The following IQCJ variants were observed in gnomAD, a reference collection of about 807,000 sequenced individuals.
The protein encoded by IQCJ is IQ motif containing J.
A neutral mutation model predicts 11.0 loss-of-function variants in IQCJ; 9 were observed. The ratio of observed to expected loss-of-function variants is 0.82; its 90% confidence interval spans 0.49 to 1.43. IQCJ has a LOEUF of 1.43. Ranked by LOEUF, IQCJ falls within the 40% of genes most tolerant of loss-of-function variation. The probability of loss-of-function intolerance (pLI) is 0.00; values close to 1 mark genes in which losing one functional copy is unlikely to be tolerated. For synonymous variants in IQCJ, 55 were observed against 51.3 expected, an observed-to-expected ratio of 1.07 and a Z score of -0.31; for missense variants, 146 against 133.2, an observed-to-expected ratio of 1.10 and a Z score of -0.47.
intron 1 of IQCJ, among the ~76,000 whole-genome samples, chr3:159,138,926 C>T (rs1017423644): frequency 6.6e-6 from 1 of 152,128 alleles, no homozygotes; most frequent in African/African-American, 2.4e-5. Flanking sequence ...ATATGAAAAA[C>T]AGTTATTTGC....
At chr3:159,179,899 T>G (rs369031777) in intron 1 of IQCJ, among the ~76,000 whole-genome samples, 2 of 152,270 alleles carry the variant, frequency 1.3e-5, no homozygotes, top group African/African-American at 4.8e-5. Flanking sequence ...ACAGACATTT[T>G]TCTCAAGTAG....
chr3:159,124,688 G>A (rs1719570003), intron 1 of IQCJ, among the ~76,000 whole-genome samples: 1 of 152,050 alleles, frequency 6.6e-6, no homozygotes, highest in Non-Finnish European at 1.5e-5. Flanking sequence ...GTTCTATAAG[G>A]TCAGCTGCTG....
chr3:159,202,853 T>C (rs1358212057), intron 1 of IQCJ, among the ~76,000 whole-genome samples: 1 of 152,090 alleles, frequency 6.6e-6, no homozygotes, highest in East Asian at 1.9e-4. Flanking sequence ...TTTGGGTCTG[T>C]AGAACATAAT....
At chr3:159,143,516 G>A (rs570887268) in intron 1 of IQCJ, among the ~76,000 whole-genome samples, 20 of 152,178 alleles carry the variant, frequency 1.3e-4, no homozygotes, top group South Asian at 4.1e-4. Flanking sequence ...CTCCATGGAC[G>A]CTGTATTATT....
Position 159,089,896 on chromosome 3 carries a change from A to G in IQCJ, c.9+20455A>G, listed in dbSNP as rs190829857. Among the ~76,000 whole-genome samples, 422 of 151,786 alleles carry G rather than the reference A, an allele frequency of 2.8e-3. 4 individuals carry two copies. The highest frequency in any genetic ancestry group is 4.6e-3 in the Non-Finnish European group (313 of 68,006). ...TCCTGTAGCTCAGAGTAATTTGATC[A>G]TCTGAAGCCTTCTTCTCTCAGCTCG... On this transcript the variant is annotated intron_variant, in intron 1 of 3. Transcript: ENST00000397832.
intron 1 of IQCJ, among the ~76,000 whole-genome samples, chr3:159,188,595 A>C (rs1257647025): frequency 1.3e-5 from 2 of 152,168 alleles, no homozygotes; most frequent in Non-Finnish European, 2.9e-5. Context: ...ACAATTACTG[A>C]ACCAATATTA....
intron 1 of IQCJ, among the ~76,000 whole-genome samples, chr3:159,205,571 C>T (rs61347568): frequency 0.02 from 3,081 of 152,294 alleles, 118 homozygotes; most frequent in African/African-American, 0.071. Flanking sequence ...GAGTGTCCAG[C>T]CCCAACCCCA....
chr3:159,238,898 G>C (rs939342454), intron 1 of IQCJ, among the ~76,000 whole-genome samples: 1 of 152,132 alleles, frequency 6.6e-6, no homozygotes, highest in Admixed American at 6.5e-5. Context: ...TTGTCACACA[G>C]ACCTTGGCTG....
chr3:159,219,865 C>A (rs1725438474), intron 1 of IQCJ, among the ~76,000 whole-genome samples: 2 of 152,120 alleles, frequency 1.3e-5, no homozygotes, highest in East Asian at 3.9e-4. Context: ...CAGTGTCAGT[C>A]CCACCGGACA....
intron 2 of IQCJ, among the ~76,000 whole-genome samples, chr3:159,247,182 C>T (rs1004395970): frequency 2.6e-5 from 4 of 152,156 alleles, no homozygotes; most frequent in Admixed American, 6.5e-5. Flanking sequence ...CTGCGACCTC[C>T]GCCTCCCGGG....
At chr3:159,136,891 A>G (rs1720320118) in intron 1 of IQCJ, among the ~76,000 whole-genome samples, 1 of 152,178 alleles carries the variant, frequency 6.6e-6, no homozygotes, top group African/African-American at 2.4e-5. Context: ...TTGAGGTCTT[A>G]AGTATGGTGT....
At chr3:159,086,176 C>A (rs1716751681) in intron 1 of IQCJ, among the ~76,000 whole-genome samples, 1 of 152,132 alleles carries the variant, frequency 6.6e-6, no homozygotes, top group East Asian at 1.9e-4. Context: ...AATAGGGAAT[C>A]CTTTCCCCAT....
At chr3:159,249,902 T>TACACACACACACAC (rs10567080) in intron 2 of IQCJ, among the ~76,000 whole-genome samples, 3,403 of 150,594 alleles carry the variant, frequency 0.023, 93 homozygotes, top group African/African-American at 0.068. Flanking sequence ...TGCATTTGTG[T>TACACACACACACAC]ACACACACAC....
At chr3:159,182,309 CCTGT>C (rs1032489917) in intron 1 of IQCJ, among the ~76,000 whole-genome samples, 4 of 151,928 alleles carry the variant, frequency 2.6e-5, no homozygotes, top group Non-Finnish European at 1.5e-5. Context: ...TGTTTTCAAG[CCTGT>C]CTCTTTCTCC....
At chr3:159,148,644 T>C (rs900304316) in intron 1 of IQCJ, among the ~76,000 whole-genome samples, 13 of 152,222 alleles carry the variant, frequency 8.5e-5, no homozygotes, top group Admixed American at 4.6e-4. Context: ...ATAGGTACCA[T>C]CTTTTCCTAA....
chr3:159,243,436 A>T (rs975188819), intron 1 of IQCJ, among the ~76,000 whole-genome samples: 2 of 152,244 alleles, frequency 1.3e-5, no homozygotes, highest in Admixed American at 1.3e-4. Context: ...ACTCAGCAAT[A>T]AAAAGAAATG....
chr3:159,083,778 A>G (rs548021931), intron 1 of IQCJ, among the ~76,000 whole-genome samples: 129 of 152,284 alleles, frequency 8.5e-4, no homozygotes, highest in Admixed American at 4.6e-3. Context: ...ATTCTGTGGT[A>G]TTCTCCACTG....
chr3:159,240,879 C>T (rs1328284403), intron 1 of IQCJ, among the ~76,000 whole-genome samples: 1 of 152,070 alleles, frequency 6.6e-6, no homozygotes, highest in Non-Finnish European at 1.5e-5. Context: ...AGGCATGAGC[C>T]ACCGCACCCG....
Position 159,228,077 on chromosome 3 carries a change from C to T in IQCJ, c.10-17766C>T, listed in dbSNP as rs1271162026. Reference sequence around the variant, plus strand: ...CATGTTCTGTTCCAGTAATTTCTTACTCCATCTCTTTCCTTCCTCATCCTC... The same window carrying T: ...CATGTTCTGTTCCAGTAATTTCTTATTCCATCTCTTTCCTTCCTCATCCTC... On this transcript the variant is annotated intron_variant, in intron 1 of 3. Transcript: ENST00000397832. 2.0e-5 allele frequency among the ~76,000 whole-genome samples: 3 copies of T among 152,274 alleles called. No homozygotes were observed. The East Asian group carries it at 5.8e-4, about 29-fold the overall frequency.
Sources: allele counts gnomAD v4.1 joint callset (sites outside exome capture counted in the v4.1 genomes callset), GRCh38; gene constraint gnomAD v4.1.1; transcripts MANE v1.5; gene names NCBI Gene and HGNC (gene_info 2026-07-23, HGNC 2026-07-21).